AGAP1: variants seen among roughly 807,000 people sequenced by gnomAD.
AGAP1 encodes the protein arf-GAP with GTPase, ANK repeat and PH domain-containing protein 1.
In AGAP1, 29 loss-of-function variants were observed where a neutral mutation model predicts 105.3. The ratio of observed to expected loss-of-function variants is 0.28; its 90% confidence interval spans 0.21 to 0.38. The LOEUF (loss-of-function observed/expected upper bound fraction) is 0.38, where lower values mean the gene tolerates loss of function less well. Ranked by LOEUF, AGAP1 falls within the 10% of genes least tolerant of loss-of-function variation. The pLI is 1.00. For synonymous variants in AGAP1, 509 were observed against 485.9 expected (o/e 1.05, Z -0.63); for missense variants, 998 against 1,165.1 (o/e 0.86, Z 2.09).
rs1950203384 is a variant in AGAP1 at position 235,700,669 on chromosome 2, GC to G, written c.164-8509del. On this transcript the variant is annotated intron_variant, in intron 1 of 17. Coordinates refer to ENST00000304032, the MANE Select transcript of AGAP1 (RefSeq NM_001037131.3). The surrounding 1 kb of genome is among the most constrained non-coding windows in gnomAD (Gnocchi z 6.1). ...ACAAAAATTAGCCAGGCATGGTAGC[GC>G]GTGCCTGTAGTCCCAGCTACTCAAG... 6.6e-6 allele frequency among the ~76,000 whole-genome samples: 1 copy of G among 151,828 alleles called. No individual in the cohort carries two copies. Among genetic ancestry groups the G allele is most frequent in the South Asian group, 2.1e-4 (1 of 4,816 alleles).
At chr2:235,591,207 G>T (rs1399336508) in intron 1 of AGAP1, among the ~76,000 whole-genome samples, 1 of 152,078 alleles carries the variant, frequency 6.6e-6, no homozygotes, top group Non-Finnish European at 1.5e-5. Context: ...GTAGAGATGG[G>T]GTTTTGCCAT....
chr2:235,896,630 C>T (rs1371994651), intron 10 of AGAP1, among the ~76,000 whole-genome samples: 1 of 152,212 alleles, frequency 6.6e-6, no homozygotes. Context: ...ATGACATGGT[C>T]ACATGGGCTC....
rs545270408 is a variant in AGAP1 at position 236,038,168 on chromosome 2, A to G, written c.1800+1453A>G. The stretch of plus-strand genomic sequence containing the variant: ...CCTGGCTTTACTGGGTCACGTCCAC[A>G]TGCATCCATGATGTGCCTCCTGAAA... On this transcript the variant is annotated intron_variant, in intron 14 of 17. Transcript: ENST00000304032. The surrounding 1 kb of genome is among the most constrained non-coding windows in gnomAD (Gnocchi z 4.5). Among the ~76,000 whole-genome samples the G allele has an allele frequency of 6.6e-6, 1 of 152,160 alleles. No homozygotes were observed. The highest frequency in any genetic ancestry group is 6.5e-5 in the Admixed American group (1 of 15,274).
chr2:236,079,262 G>A (rs757288146), intron 16 of AGAP1, among the ~76,000 whole-genome samples: 8 of 145,358 alleles, frequency 5.5e-5, no homozygotes, highest in Non-Finnish European at 1.1e-4. Context: ...GCTTACACCT[G>A]TAATCCCAGC....
rs55970206 is a variant in AGAP1 at position 236,077,750 on chromosome 2, A to G, written c.2114+28469A>G. The stretch of plus-strand genomic sequence containing the variant: ...ATTGAAATACCGCTGGGTTGAGCAC[A>G]TTTGTGAATACAGCTTATGGGGCTT... On this transcript the variant is annotated intron_variant, in intron 16 of 17. Transcript: ENST00000304032. Among the ~76,000 whole-genome samples, 1,235 of 152,322 alleles carry G rather than the reference A, an allele frequency of 8.1e-3. 14 individuals carry two copies. Among genetic ancestry groups the G allele is most frequent in the African/African-American group, 0.028 (1,150 of 41,576 alleles).
chr2:235,917,441 T>C (rs1559644283), intron 11 of AGAP1, among the ~76,000 whole-genome samples: 1 of 152,198 alleles, frequency 6.6e-6, no homozygotes. Flanking sequence ...GTGATCGGAC[T>C]TGCTCTTTCC....
intron 16 of AGAP1, among the ~76,000 whole-genome samples, chr2:236,115,541 T>C (rs1229908194): frequency 6.6e-6 from 1 of 152,194 alleles, no homozygotes; most frequent in Non-Finnish European, 1.5e-5. Flanking sequence ...GGTATCTGGA[T>C]GGGAGCATCC....
intron 16 of AGAP1, among the ~76,000 whole-genome samples, chr2:236,107,131 G>A (rs1002716798): frequency 7.4e-5 from 11 of 149,414 alleles, no homozygotes; most frequent in African/African-American, 2.7e-4. Context: ...CCCGCCAGCG[G>A]ATTCTCCTGC....
intron 11 of AGAP1, among the ~76,000 whole-genome samples, chr2:235,923,299 A>T (rs955106017): frequency 6.6e-6 from 1 of 152,056 alleles, no homozygotes; most frequent in African/African-American, 2.4e-5. Flanking sequence ...TCCTTGTACA[A>T]CCCTGTTCTG....
In AGAP1 at chr2:236,005,276, G is replaced by C. The variant is rs1191681129; in HGVS notation, c.1646-31285G>C. On this transcript the variant is annotated intron_variant, in intron 13 of 17. Coordinates refer to ENST00000304032, the MANE Select transcript of AGAP1 (RefSeq NM_001037131.3). This position sits in a 1 kb window ranked among gnomAD's most constrained non-coding sequence, Gnocchi z 4.1. ...TTCTTGCCCCTCAGCCTCCCAAATA[G>C]CTGGGACTACAGGAGTGTGCCACCG... Among the ~76,000 whole-genome samples, 1 of 152,056 alleles carries C rather than the reference G, an allele frequency of 6.6e-6. No individual in the cohort carries two copies. Among genetic ancestry groups the C allele is most frequent in the African/African-American group, 2.4e-5 (1 of 41,394 alleles).
At chr2:235,985,752 T>G (rs193081712) in intron 13 of AGAP1, among the ~76,000 whole-genome samples, 26 of 152,362 alleles carry the variant, frequency 1.7e-4, no homozygotes, top group African/African-American at 5.3e-4. Flanking sequence ...CTTGTTTTTG[T>G]CAGGTTTGTC....
At chr2:235,579,881 C>G (rs938859737) in intron 1 of AGAP1, among the ~76,000 whole-genome samples, 3 of 152,208 alleles carry the variant, frequency 2.0e-5, no homozygotes, top group African/African-American at 7.2e-5. Context: ...CAGGGGAAAC[C>G]CCATGTTCTT....
Position 235,523,367 on chromosome 2 carries a change from GA to G in AGAP1, c.163+28522del, listed in dbSNP as rs557063031. ...TGGAGCCCCAGGAGGCTCTTGGGGA[GA>G]AAATGTTTCCTTCCCTGTGGGGATC... On this transcript the variant is annotated intron_variant, in intron 1 of 17. Coordinates refer to ENST00000304032, the MANE Select transcript of AGAP1 (RefSeq NM_001037131.3). Among the ~76,000 whole-genome samples the G allele has an allele frequency of 3.1e-4, 47 of 152,314 alleles. No individual in the cohort carries two copies. The East Asian group carries it at 8.5e-3, about 28-fold the overall frequency.
Position 235,872,457 on chromosome 2 carries a change from G to T in AGAP1, c.1051-10888G>T, listed in dbSNP as rs1396929635. Among the ~76,000 whole-genome samples, 2 of 152,074 alleles carry T rather than the reference G, an allele frequency of 1.3e-5. No individual in the cohort carries two copies. The highest frequency in any genetic ancestry group is 4.8e-5 in the African/African-American group (2 of 41,404). On this transcript the variant is annotated intron_variant, in intron 9 of 17. Coordinates refer to ENST00000304032, the MANE Select transcript of AGAP1 (RefSeq NM_001037131.3). The surrounding 1 kb of genome is among the most constrained non-coding windows in gnomAD (Gnocchi z 4.5). ...ACATGCCACCATGCCGCTGGCCCTG[G>T]GTTATGCAGAATCAAAAAGACTTAG...
chr2:235,611,552 T>G lies in AGAP1; in HGVS notation c.164-97627T>G, dbSNP rs1035969418. ...ATGATGCCTGTGTACTTCCCTGTGGTGCCCAGGCCTGCAGATTACAGACGC... is the reference window on the plus strand; with the variant it reads ...ATGATGCCTGTGTACTTCCCTGTGGGGCCCAGGCCTGCAGATTACAGACGC... On this transcript the variant is annotated intron_variant, in intron 1 of 17. Coordinates refer to ENST00000304032, the MANE Select transcript of AGAP1 (RefSeq NM_001037131.3). The surrounding 1 kb of genome is among the most constrained non-coding windows in gnomAD (Gnocchi z 5.0). 3.9e-5 allele frequency among the ~76,000 whole-genome samples: 6 copies of G among 152,152 alleles called. No homozygotes were observed. Among genetic ancestry groups the G allele is most frequent in the Non-Finnish European group, 7.3e-5 (5 of 68,036 alleles).
chr2:235,915,249 T>A (rs2051816427), intron 11 of AGAP1, among the ~76,000 whole-genome samples: 1 of 152,072 alleles, frequency 6.6e-6, no homozygotes, highest in East Asian at 1.9e-4. Flanking sequence ...AACAGTAAAA[T>A]GTGAAGGATA....
At chr2:235,570,716 A>C (rs766068870) in intron 1 of AGAP1, among the ~76,000 whole-genome samples, 111 of 152,360 alleles carry the variant, frequency 7.3e-4, no homozygotes, top group Admixed American at 1.7e-3. Flanking sequence ...AAGACCATTT[A>C]GGTTCCAGCT....
In AGAP1 at chr2:235,701,838, T is replaced by G. The variant is rs1341078528; in HGVS notation, c.164-7341T>G. Among the ~76,000 whole-genome samples, 5 of 152,128 alleles carry G rather than the reference T, an allele frequency of 3.3e-5. No individual in the cohort carries two copies. Among genetic ancestry groups the G allele is most frequent in the Non-Finnish European group, 2.9e-5 (2 of 68,024 alleles). ...CTGACAGGCTGTGGCAGCCACAGCCTCCTCCGATGCTCCTCTCCTCTGTGG... is the reference window on the plus strand; with the variant it reads ...CTGACAGGCTGTGGCAGCCACAGCCGCCTCCGATGCTCCTCTCCTCTGTGG... On this transcript the variant is annotated intron_variant, in intron 1 of 17. Coordinates refer to ENST00000304032, the MANE Select transcript of AGAP1 (RefSeq NM_001037131.3). This position sits in a 1 kb window ranked among gnomAD's most constrained non-coding sequence, Gnocchi z 4.1.
intron 11 of AGAP1, among the ~76,000 whole-genome samples, chr2:235,920,542 T>C (rs563891908): frequency 1.8e-4 from 27 of 152,216 alleles, no homozygotes; most frequent in Admixed American, 1.8e-3. Flanking sequence ...TGCTGGAAGA[T>C]GGGGGGTGCC....
Sources: allele counts gnomAD v4.1 joint callset (sites outside exome capture counted in the v4.1 genomes callset), GRCh38; gene constraint gnomAD v4.1.1; non-coding constraint Gnocchi (gnomAD v3.1); transcripts MANE v1.5; gene names NCBI Gene and HGNC (gene_info 2026-07-23, HGNC 2026-07-21).